Variants in CNTNAP2 observed in about 807,000 individuals in gnomAD.
The protein encoded by CNTNAP2 is contactin-associated protein-like 2.
In CNTNAP2, 98 loss-of-function variants were observed where a neutral mutation model predicts 155.2. That is an observed-to-expected ratio of 0.63 (90% confidence interval 0.54 to 0.75). The LOEUF (loss-of-function observed/expected upper bound fraction) is 0.75. Among genes scored for constraint, CNTNAP2 ranks in the 30% least tolerant of loss-of-function variants. The pLI is 0.00. For synonymous variants in CNTNAP2, 651 were observed against 631.2 expected, an observed-to-expected ratio of 1.03 and a Z score of -0.47; for missense variants, 1,727 against 1,688.1, an observed-to-expected ratio of 1.02 and a Z score of -0.40.
chr7:146,789,599 C>CAA (rs35157587), intron 2 of CNTNAP2, among the ~76,000 whole-genome samples: 7,849 of 122,874 alleles, frequency 0.064, 275 homozygotes, highest in Non-Finnish European at 0.088. Context: ...GGGTGGCAGG[C>CAA]AAAAAAAAAA....
In CNTNAP2 at chr7:146,337,301, T is replaced by TAAA. The variant is rs11418259; in HGVS notation, c.97+220339_97+220341dup. On this transcript the variant is annotated intron_variant, in intron 1 of 23. Transcript: ENST00000361727. The stretch of plus-strand genomic sequence containing the variant: ...GATTTTACATGAGGTTGTTCTAACA[T>TAAA]AAAAAAAAAAAAACAAACTACGTAA... Among the ~76,000 whole-genome samples the TAAA allele has an allele frequency of 1.4e-3, 193 of 134,482 alleles. 3 individuals carry two copies. The East Asian group carries it at 0.03, about 21-fold the overall frequency. The allele number at this position is 134,482 out of a possible 152,430, so 88.2% of individuals were successfully genotyped here.
chr7:147,510,879 C>T (rs1165485079), intron 11 of CNTNAP2, among the ~76,000 whole-genome samples: 22 of 33,048 alleles, frequency 6.7e-4, no homozygotes, highest in Non-Finnish European at 1.3e-3. Context: ...ATAATGCTTC[C>T]TCATATATAT....
chr7:147,867,378 A>G (rs1366253349), intron 13 of CNTNAP2, among the ~76,000 whole-genome samples: 1 of 152,044 alleles, frequency 6.6e-6, no homozygotes, highest in Non-Finnish European at 1.5e-5. Context: ...GCTGCCCTTA[A>G]TATTTTTTAT....
intron 4 of CNTNAP2, among the ~76,000 whole-genome samples, chr7:147,100,198 T>C (rs1289413921): frequency 6.6e-6 from 1 of 152,130 alleles, no homozygotes; most frequent in African/African-American, 2.4e-5. Flanking sequence ...CAGTGGGCTT[T>C]TTTGTCTCTT....
chr7:147,942,295 A>G (rs1231981565), intron 14 of CNTNAP2, among the ~76,000 whole-genome samples: 1 of 152,212 alleles, frequency 6.6e-6, no homozygotes, highest in Non-Finnish European at 1.5e-5. Context: ...ATGCTGATCA[A>G]TTTCCTAGTG....
At chr7:146,829,220 G>C (rs1169090325) in intron 2 of CNTNAP2, among the ~76,000 whole-genome samples, 1 of 151,954 alleles carries the variant, frequency 6.6e-6, no homozygotes, top group Non-Finnish European at 1.5e-5. Flanking sequence ...CTTTTCCTGT[G>C]AAGAAATACA....
rs375172684 is a variant in CNTNAP2 at position 147,132,326 on chromosome 7, C to T, written c.1165C>T (p.Arg389Trp). 126 of 1,613,710 alleles carry T rather than the reference C, an allele frequency of 7.8e-5. 1 individual carries two copies. Among genetic ancestry groups the T allele is most frequent in the East Asian group, 2.5e-4 (11 of 44,862 alleles). The change falls in exon 8 of 24, where the codon CGG becomes TGG. Residue 389 changes from arginine (R) to tryptophan (W), a missense_variant. Arg to Trp is a moderately radical substitution (Grantham distance 101). Coordinates refer to ENST00000361727, the MANE Select transcript of CNTNAP2 (RefSeq NM_014141.6). ...NATSYLEVPG[R>W]LNQDLFSVSF... ...TACAAGTTACCTGGAGGTGCCCGGA[C>T]GGCTTAACCAGGACCTGTTCTCAGT... is the stretch of plus-strand genomic sequence containing the variant.
chr7:146,862,105 C>T (rs1395741458), intron 3 of CNTNAP2, among the ~76,000 whole-genome samples: 6 of 152,058 alleles, frequency 3.9e-5, no homozygotes, highest in South Asian at 4.1e-4. Flanking sequence ...CAGGCGCGGT[C>T]GATGGCAATG....
At chr7:147,156,325 G>T (rs1386687849) in intron 8 of CNTNAP2, among the ~76,000 whole-genome samples, 1 of 152,164 alleles carries the variant, frequency 6.6e-6, no homozygotes, top group Non-Finnish European at 1.5e-5. Flanking sequence ...AGGATCATTT[G>T]TGTGAATTCA....
intron 11 of CNTNAP2, among the ~76,000 whole-genome samples, chr7:147,547,559 T>C (rs1167886800): frequency 6.6e-6 from 1 of 152,224 alleles, no homozygotes; most frequent in African/African-American, 2.4e-5. Flanking sequence ...CTTTGCTTGA[T>C]GGTCCACTGG....
chr7:146,958,872 G>A (rs1797495937), intron 3 of CNTNAP2, among the ~76,000 whole-genome samples: 1 of 151,916 alleles, frequency 6.6e-6, no homozygotes, highest in Non-Finnish European at 1.5e-5. Flanking sequence ...CTTAATTTAA[G>A]CTTAAATTTA....
chr7:147,384,173 T>C (rs1392010027), intron 9 of CNTNAP2, among the ~76,000 whole-genome samples: 2 of 152,132 alleles, frequency 1.3e-5, no homozygotes, highest in African/African-American at 4.8e-5. Flanking sequence ...AGGATAGACA[T>C]CTTAAGTATT....
chr7:147,847,971 C>T (rs1162886666), intron 13 of CNTNAP2, among the ~76,000 whole-genome samples: 9 of 130,094 alleles, frequency 6.9e-5, no homozygotes, highest in Admixed American at 2.5e-4. Context: ...TCGCCAGCTG[C>T]GTGCTGGGAG....
intron 1 of CNTNAP2, among the ~76,000 whole-genome samples, chr7:146,453,946 G>T (rs950625733): frequency 6.6e-6 from 1 of 152,010 alleles, no homozygotes; most frequent in Non-Finnish European, 1.5e-5. Flanking sequence ...GGAGAAGCAG[G>T]AGAAATGTTT....
In CNTNAP2 at chr7:146,871,464, C is replaced by T. The variant is rs369690500; in HGVS notation, c.402+31560C>T. Among the ~76,000 whole-genome samples, 17 of 151,834 alleles carry T rather than the reference C, an allele frequency of 1.1e-4. No individual in the cohort carries two copies. The South Asian group carries it at 1.2e-3, about 11-fold the overall frequency. On this transcript the variant is annotated intron_variant, in intron 3 of 23. Coordinates refer to ENST00000361727, the MANE Select transcript of CNTNAP2 (RefSeq NM_014141.6). ...AGAATTGCTCAAACCCGGGAGATGG[C>T]GGTTGCAGTGAGCCTAGATTGTGCC... is the stretch of plus-strand genomic sequence containing the variant.
chr7:147,176,997 A>C, intron 8 of CNTNAP2, among the ~76,000 whole-genome samples: 1 of 139,880 alleles, frequency 7.1e-6, no homozygotes, highest in African/African-American at 2.6e-5. Flanking sequence ...ATAATTCTAT[A>C]TCTATAATTA....
At position 146,878,090 on chromosome 7, in the gene CNTNAP2, C is replaced by T. The variant is rs147160845; in HGVS notation, c.402+38186C>T. ...ATTTTGGTGTTTATTCATGGGCCAA[C>T]GTCCCCTAATTATGATAGCTGTATC... On this transcript the variant is annotated intron_variant, in intron 3 of 23. Coordinates refer to ENST00000361727, the MANE Select transcript of CNTNAP2 (RefSeq NM_014141.6). Among the ~76,000 whole-genome samples, 57 of 152,226 alleles carry T rather than the reference C, an allele frequency of 3.7e-4. 1 individual carries two copies. The highest frequency in any genetic ancestry group is 3.7e-3 in the East Asian group (19 of 5,178).
Position 147,217,128 on chromosome 7 carries a change from T to C in CNTNAP2, c.1349-83013T>C, listed in dbSNP as rs75899994. 1.4e-3 allele frequency among the ~76,000 whole-genome samples: 210 copies of C among 152,136 alleles called. 1 individual carries two copies. The highest frequency in any genetic ancestry group is 4.9e-3 in the African/African-American group (204 of 41,556). On this transcript the variant is annotated intron_variant, in intron 8 of 23. Coordinates refer to ENST00000361727, the MANE Select transcript of CNTNAP2 (RefSeq NM_014141.6). ...GACTATCATGTCATCAGAAAAAACA[T>C]GATTTCTTCCTTTTTTCTTTTTCTT... is the stretch of plus-strand genomic sequence containing the variant.
intron 1 of CNTNAP2, among the ~76,000 whole-genome samples, chr7:146,578,204 A>G (rs1798554506): frequency 6.6e-6 from 1 of 152,136 alleles, no homozygotes; most frequent in African/African-American, 2.4e-5. Flanking sequence ...AGTAAACCCA[A>G]CAACGTGAAA....
Sources: gnomAD v4.1 joint callset for allele counts (sites outside exome capture counted in the v4.1 genomes callset) on GRCh38, gnomAD v4.1.1 for gene constraint, MANE v1.5 for transcripts, NCBI Gene and HGNC (gene_info 2026-07-23, HGNC 2026-07-21) for gene names.